LSMEM1: variants seen among roughly 807,000 people sequenced by gnomAD.
LSMEM1 encodes leucine-rich single-pass membrane protein 1.
In LSMEM1, 10 loss-of-function variants were observed where a neutral mutation model predicts 11.3. The observed-to-expected ratio is 0.89, with a 90% confidence interval of 0.55 to 1.50. The LOEUF (loss-of-function observed/expected upper bound fraction) is 1.50, where lower values mean the gene tolerates loss of function less well. Ranked by LOEUF, LSMEM1 falls within the 40% of genes most tolerant of loss-of-function variation. The pLI is 0.00. For synonymous variants in LSMEM1, 65 were observed against 59.3 expected, an observed-to-expected ratio of 1.10 and a Z score of -0.44; for missense variants, 151 against 152.9, an observed-to-expected ratio of 0.99 and a Z score of 0.06.
chr7:112,489,101 T>A (rs1796191496), intron 3 of LSMEM1, among the ~76,000 whole-genome samples: 1 of 152,248 alleles, frequency 6.6e-6, no homozygotes, highest in African/African-American at 2.4e-5. Flanking sequence ...GAGTGTTTTT[T>A]ATTGAGAACA....
rs1013831596 is a variant in LSMEM1, at chr7:112,490,006, G to A, written c.*57G>A. Reference sequence around the variant, plus strand: ...CCTTGAGCTTTTTACTTTCCTGGGAGTGTACAGGGTTAGGAACTGAGAAAG... The same window carrying A: ...CCTTGAGCTTTTTACTTTCCTGGGAATGTACAGGGTTAGGAACTGAGAAAG... On this transcript the variant is annotated 3_prime_UTR_variant, in exon 4 of 4. Coordinates refer to ENST00000312849, the MANE Select transcript of LSMEM1 (RefSeq NM_182597.3). 22 of 1,565,254 alleles carry A rather than the reference G, an allele frequency of 1.4e-5. No homozygotes were observed. The Admixed American group carries it at 1.8e-4, about 13-fold the overall frequency.
In LSMEM1 at chr7:112,491,058, A is replaced by G. The variant is rs183216360; in HGVS notation, c.*1109A>G. ...TTAATGAAATAAACACATTTTGCTT[A>G]CCCAGTTTTGCACTCAAAAACCATT... On this transcript the variant is annotated 3_prime_UTR_variant, in exon 4 of 4. Transcript: ENST00000312849. 6.6e-6 allele frequency: 1 copy of G among 152,334 alleles called. No homozygotes were observed. The highest frequency in any genetic ancestry group is 2.4e-5 in the African/African-American group (1 of 41,594). The allele number at this position is 152,334 out of a possible 1,614,324, so 9.4% of individuals were successfully genotyped here.
chr7:112,480,472 G>A (rs1039470923), upstream of LSMEM1, among the ~76,000 whole-genome samples: 3 of 152,220 alleles, frequency 2.0e-5, no homozygotes, highest in African/African-American at 7.2e-5. Flanking sequence ...GGATGATAAA[G>A]GATTGCACAG....
intron 1 of LSMEM1, chr7:112,483,267 T>C (rs916399430): frequency 6.6e-6 from 1 of 152,104 alleles, no homozygotes; most frequent in African/African-American, 2.4e-5. Context: ...ACAGGCACCA[T>C]ATTTATCGCA....
In LSMEM1 at chr7:112,487,022, C is replaced by T. The variant is rs1010263737; in HGVS notation, c.227C>T (p.Ala76Val). The T allele has an allele frequency of 5.0e-6, 8 of 1,613,954 alleles. No homozygotes were observed. The East Asian group carries it at 1.6e-4, about 31-fold the overall frequency. The change falls in exon 3 of 4, where the codon GCA becomes GTA. Residue 76 changes from alanine (A) to valine (V), a missense_variant. Ala to Val is a moderately conservative substitution (Grantham distance 64, BLOSUM62 0). Transcript: ENST00000312849. Reference protein sequence around the residue: ...GLLIVLIVSLALVFFVIFLIV... With the variant: ...GLLIVLIVSLVLVFFVIFLIV... ...CTAATTGTGCTGATTGTCAGCCTGG[C>T]ACTGGTTTTTTTCGTGATATTTCTA...
chr7:112,489,049 A>G (rs1244289357), intron 3 of LSMEM1, among the ~76,000 whole-genome samples: 2 of 152,212 alleles, frequency 1.3e-5, no homozygotes, highest in South Asian at 2.1e-4. Context: ...CAACATCACT[A>G]TGTTCCACTT....
At chr7:112,480,875 T>C (rs1482916414), upstream of LSMEM1, 8 of 456,172 alleles carry the variant, frequency 1.8e-5, no homozygotes, top group Non-Finnish European at 3.1e-5. Context: ...TCAGTCATCA[T>C]AGTGGCAGCT....
intron 3 of LSMEM1, 124 bp downstream of exon 3, chr7:112,487,175 A>AAAAAGAAAGAATG: frequency 9.1e-7 from 1 of 1,100,264 alleles, no homozygotes; most frequent in Non-Finnish European, 1.3e-6. Context: ...CTTACATTGA[A>AAAAAGAAAGAATG]AAAAGAAGGA....
chr7:112,482,283 T>C (rs1276207713), intron 1 of LSMEM1, among the ~76,000 whole-genome samples: 1 of 152,264 alleles, frequency 6.6e-6, no homozygotes, highest in East Asian at 1.9e-4. Flanking sequence ...TTAGTTTTTT[T>C]TGGAGTCACC....
At chr7:112,486,423 T>C in intron 2 of LSMEM1, 1 of 443,178 alleles carries the variant, frequency 2.3e-6, no homozygotes, top group Non-Finnish European at 4.6e-6. Context: ...ATTCCTTGAA[T>C]ACCAATAGAG....
chr7:112,480,714 T>C (rs958856944), upstream of LSMEM1: 3 of 431,312 alleles, frequency 7.0e-6, no homozygotes, highest in Non-Finnish European at 9.3e-6. Flanking sequence ...CTGTGGTGGG[T>C]CTGTATCCAT....
chr7:112,486,684 G>A (rs570380739), intron 2 of LSMEM1, among the ~76,000 whole-genome samples: 1 of 152,150 alleles, frequency 6.6e-6, no homozygotes, highest in Non-Finnish European at 1.5e-5. Context: ...GCTGAGGCAG[G>A]AGAATGGCGT....
In LSMEM1 at chr7:112,481,100, A is replaced by G. The variant is rs139343566; in HGVS notation, c.-252A>G. ...AATATATTTACTAAAAACCTTAGAC[A>G]TTATGAAAAAAGTCAGGATTTGGAA... is the stretch of plus-strand genomic sequence containing the variant. On this transcript the variant is annotated 5_prime_UTR_variant, in exon 1 of 4. Transcript: ENST00000312849. 4 of 329,922 alleles carry G rather than the reference A, an allele frequency of 1.2e-5. No individual in the cohort carries two copies. The East Asian group carries it at 2.5e-4, about 21-fold the overall frequency. The allele number at this position is 329,922 out of a possible 1,614,324, so 20.4% of individuals were successfully genotyped here.
At chr7:112,480,730 C>A (rs1187943904), upstream of LSMEM1, 3 of 443,076 alleles carry the variant, frequency 6.8e-6, no homozygotes, top group East Asian at 2.1e-4. Context: ...TCCATGAAAT[C>A]GCCCACTCAC....
In LSMEM1 at chr7:112,490,318, G is replaced by A. The variant is rs1260280234; in HGVS notation, c.*369G>A. The A allele has an allele frequency of 5.4e-6, 1 of 186,142 alleles. No individual in the cohort carries two copies. Among genetic ancestry groups the A allele is most frequent in the African/African-American group, 2.4e-5 (1 of 42,460 alleles). 11.5% of individuals were successfully genotyped at this position (186,142 alleles called of 1,614,324 possible). ...AGTTCACTGTGTCAATGAAGTTCAT[G>A]ACACCTCATGCACCTTTACAGATAT... On this transcript the variant is annotated 3_prime_UTR_variant, in exon 4 of 4. Transcript: ENST00000312849.
At chr7:112,485,812 A>C (rs1796118510) in intron 2 of LSMEM1, among the ~76,000 whole-genome samples, 1 of 151,950 alleles carries the variant, frequency 6.6e-6, no homozygotes, top group Non-Finnish European at 1.5e-5. Context: ...ATCTGTCCAT[A>C]ATCAAGTGGC....
At chr7:112,483,672 T>C (rs1796075404) in intron 1 of LSMEM1, 1 of 152,212 alleles carries the variant, frequency 6.6e-6, no homozygotes, top group South Asian at 2.1e-4. Flanking sequence ...TAGGAAGGGA[T>C]ATAGAAAAGA....
At position 112,489,838 on chromosome 7, in the gene LSMEM1, G is replaced by T; in HGVS notation, c.285G>T (p.Val95=). ...IVQTGNKMDD[V]SRRLTAEGKD... ...AAACTGGAAACAAGATGGATGATGT[G>T]TCAAGAAGACTAACAGCTGAAGGAA... Residue 95 remains valine, a synonymous_variant, in exon 4 of 4, where the codon GTG becomes GTT. Coordinates refer to ENST00000312849, the MANE Select transcript of LSMEM1 (RefSeq NM_182597.3). 1 of 1,613,806 alleles carries T rather than the reference G, an allele frequency of 6.2e-7. No homozygotes were observed. The highest frequency in any genetic ancestry group is 8.5e-7 in the Non-Finnish European group (1 of 1,179,882).
At chr7:112,485,410 C>G (rs956435899) in intron 2 of LSMEM1, among the ~76,000 whole-genome samples, 1 of 152,168 alleles carries the variant, frequency 6.6e-6, no homozygotes, top group Admixed American at 6.5e-5. Context: ...GTGGGGGGAG[C>G]AAAATAAAAT....
Sources: gnomAD v4.1 joint callset for allele counts (sites outside exome capture counted in the v4.1 genomes callset) on GRCh38, gnomAD v4.1.1 for gene constraint, MANE v1.5 for transcripts, NCBI Gene and HGNC (gene_info 2026-07-23, HGNC 2026-07-21) for gene names.